Variants in DOCK3 observed in about 807,000 individuals in gnomAD.
DOCK3 encodes the protein dedicator of cytokinesis protein 3.
In DOCK3, 60 loss-of-function variants were observed where a neutral mutation model predicts 265.6. That is an observed-to-expected ratio of 0.23 (90% CI 0.18 to 0.28). DOCK3 has a LOEUF of 0.28. Among genes scored for constraint, DOCK3 ranks in the 10% least tolerant of loss-of-function variants. The pLI is 1.00. For missense variants in DOCK3, 1,981 were observed against 2,594.3 expected (o/e 0.76, Z 5.14); for synonymous variants, 881 against 938.0 (o/e 0.94, Z 1.11).
intron 1 of DOCK3, among the ~76,000 whole-genome samples, chr3:50,678,959 G>A (rs948803747): frequency 2.6e-5 from 4 of 151,868 alleles, no homozygotes; most frequent in South Asian, 4.2e-4. Context: ...ACAGGTGCCC[G>A]CCACCATGCC....
chr3:50,780,352 C>G (rs1177178782), intron 2 of DOCK3, among the ~76,000 whole-genome samples: 1 of 152,062 alleles, frequency 6.6e-6, no homozygotes, highest in Non-Finnish European at 1.5e-5. Flanking sequence ...GTACCTGAGG[C>G]TGTATAATTT....
intron 14 of DOCK3, among the ~76,000 whole-genome samples, chr3:51,220,709 G>GTA (rs3073874): frequency 3.9e-3 from 518 of 132,366 alleles, no homozygotes; most frequent in Non-Finnish European, 5.9e-3. Flanking sequence ...GTGTGTGTGT[G>GTA]TATATATATA....
chr3:51,218,674 A>G (rs1457814204), intron 14 of DOCK3, among the ~76,000 whole-genome samples: 1 of 152,340 alleles, frequency 6.6e-6, no homozygotes, highest in Middle Eastern at 3.4e-3. Context: ...CATTGATTGT[A>G]GGTGATATGA....
At chr3:51,106,340 C>T (rs1262716345) in intron 9 of DOCK3, among the ~76,000 whole-genome samples, 1 of 152,222 alleles carries the variant, frequency 6.6e-6, no homozygotes, top group Non-Finnish European at 1.5e-5. Flanking sequence ...CGGCAGAGAG[C>T]TCCAGCATAG....
chr3:51,275,039 T>TAA, intron 24 of DOCK3, 40 bp from the exon 25 acceptor site: 1 of 1,613,554 alleles, frequency 6.2e-7, no homozygotes, highest in Non-Finnish European at 8.5e-7. Flanking sequence ...TAGCTAGTTC[T>TAA]CCTCTAAAGT....
intron 1 of DOCK3, among the ~76,000 whole-genome samples, chr3:50,752,769 C>T (rs1013555306): frequency 1.3e-5 from 2 of 150,500 alleles, no homozygotes; most frequent in African/African-American, 4.8e-5. Flanking sequence ...CAGAGCAAGA[C>T]TGTCTCAAAA....
rs576065668 is a variant in DOCK3, at chr3:51,266,472, A to G, written c.2356-4343A>G. On this transcript the variant is annotated intron_variant, in intron 23 of 52. Coordinates refer to ENST00000266037, the MANE Select transcript of DOCK3 (RefSeq NM_004947.5). Reference sequence around the variant, plus strand: ...ACCAAAACAGTATGGTACTGGTACCAAAACAGATATATAGACGAATGGAAC... The same window carrying G: ...ACCAAAACAGTATGGTACTGGTACCGAAACAGATATATAGACGAATGGAAC... 3.3e-5 allele frequency among the ~76,000 whole-genome samples: 5 copies of G among 152,386 alleles called. No individual in the cohort carries two copies. In the East Asian group the frequency reaches 9.6e-4, roughly 29 times the overall value.
At chr3:50,904,043 CT>C (rs1372855461) in intron 4 of DOCK3, among the ~76,000 whole-genome samples, 1 of 151,734 alleles carries the variant, frequency 6.6e-6, no homozygotes, top group East Asian at 1.9e-4. Context: ...CAATAGTTTG[CT>C]GAGAATGATG....
intron 38 of DOCK3, among the ~76,000 whole-genome samples, chr3:51,341,691 G>A (rs936660024): frequency 6.6e-6 from 1 of 152,180 alleles, no homozygotes; most frequent in African/African-American, 2.4e-5. Context: ...AACCCTGTTT[G>A]TTTTTATTGG....
intron 9 of DOCK3, among the ~76,000 whole-genome samples, chr3:51,114,643 T>C (rs987787770): frequency 2.6e-5 from 4 of 152,160 alleles, no homozygotes; most frequent in African/African-American, 9.7e-5. Context: ...TTTTTGTTGT[T>C]GTTGTTTCTT....
intron 51 of DOCK3, among the ~76,000 whole-genome samples, chr3:51,377,163 C>T (rs952917253): frequency 2.0e-5 from 3 of 152,162 alleles, no homozygotes; most frequent in African/African-American, 7.2e-5. Flanking sequence ...ACTACGACTA[C>T]ATCAAGGAGC....
intron 19 of DOCK3, among the ~76,000 whole-genome samples, chr3:51,231,849 G>C (rs1322613204): frequency 6.6e-6 from 1 of 152,126 alleles, no homozygotes; most frequent in African/African-American, 2.4e-5. Flanking sequence ...TGTCCAGAAT[G>C]GTGTTTCCTA....
intron 5 of DOCK3, among the ~76,000 whole-genome samples, chr3:51,001,395 T>C (rs1013924373): frequency 6.6e-6 from 1 of 152,172 alleles, no homozygotes; most frequent in African/African-American, 2.4e-5. Flanking sequence ...CTGCTGGCTG[T>C]CAGACTGAAT....
chr3:51,322,192 T>C (rs1239067424), intron 32 of DOCK3, among the ~76,000 whole-genome samples: 3 of 151,538 alleles, frequency 2.0e-5, no homozygotes, highest in Admixed American at 2.0e-4. Context: ...CAACATTCTT[T>C]TGTTTTTGTT....
rs763200746 is a variant in DOCK3, at chr3:51,089,290, C to T, written c.591+6C>T. 32 of 1,608,184 alleles carry T rather than the reference C, an allele frequency of 2.0e-5. No homozygotes were observed. Among genetic ancestry groups the T allele is most frequent in the Middle Eastern group, 1.6e-4 (1 of 6,078 alleles). ...TACAGCAAAGCACATCCCAGGTAAG[C>T]GGCTTTCCTGGGTCTTCCAGCCTTT... is the stretch of plus-strand genomic sequence containing the variant. On this transcript the variant is annotated splice_donor_region_variant and intron_variant, in intron 8 of 52. Transcript: ENST00000266037.
intron 27 of DOCK3, among the ~76,000 whole-genome samples, chr3:51,295,221 G>C (rs2082013590): frequency 6.6e-6 from 1 of 152,190 alleles, no homozygotes; most frequent in African/African-American, 2.4e-5. Context: ...TTTAAGATTG[G>C]GTCTCTGGCG....
At chr3:51,302,337 G>T (rs2082402123) in intron 27 of DOCK3, among the ~76,000 whole-genome samples, 2 of 152,002 alleles carry the variant, frequency 1.3e-5, no homozygotes, top group Non-Finnish European at 2.9e-5. Context: ...ACATGAGATG[G>T]GTCTCTCGAA....
At chr3:50,769,674 G>A (rs1046159631) in intron 1 of DOCK3, among the ~76,000 whole-genome samples, 1 of 151,898 alleles carries the variant, frequency 6.6e-6, no homozygotes, top group Non-Finnish European at 1.5e-5. Context: ...AGCCGGGTGT[G>A]TGTGGTGGGC....
At chr3:51,106,236 G>A (rs1266378437) in intron 9 of DOCK3, among the ~76,000 whole-genome samples, 1 of 152,196 alleles carries the variant, frequency 6.6e-6, no homozygotes, top group Non-Finnish European at 1.5e-5. Context: ...GCCTCTCCCA[G>A]GGCCCCAGCC....
Sources: allele counts gnomAD v4.1 joint callset (sites outside exome capture counted in the v4.1 genomes callset), GRCh38; gene constraint gnomAD v4.1.1; transcripts MANE v1.5; gene names NCBI Gene and HGNC (gene_info 2026-07-23, HGNC 2026-07-21).